The following CD109 variants were observed in gnomAD, a reference collection of about 807,000 sequenced individuals.
CD109 encodes the protein CD109 molecule, also known as CD109 antigen.
In CD109, 149 loss-of-function variants were observed where a neutral mutation model predicts 165.8. The ratio of observed to expected loss-of-function variants is 0.90; its 90% CI spans 0.79 to 1.03. The LOEUF (loss-of-function observed/expected upper bound fraction) is 1.03. CD109 is among the 50% of genes least tolerant of loss of function. The pLI, the probability that CD109 is intolerant of heterozygous loss-of-function variation, is 0.00. For missense variants in CD109, 1,712 were observed against 1,677.8 expected (o/e 1.02, Z -0.36); for synonymous variants, 585 against 592.1 (o/e 0.99, Z 0.18).
intron 23 of CD109, among the ~76,000 whole-genome samples, chr6:73,797,201 CT>C (rs1775195371): frequency 6.6e-6 from 1 of 152,176 alleles, no homozygotes; most frequent in South Asian, 2.1e-4. Context: ...GAAACAACAG[CT>C]ACATCATTGA....
chr6:73,715,395 T>G (rs1202915544), intron 2 of CD109, among the ~76,000 whole-genome samples: 3 of 151,638 alleles, frequency 2.0e-5, no homozygotes, highest in African/African-American at 7.3e-5. Context: ...AGCCCCCATT[T>G]CTACAAAAAA....
intron 2 of CD109, among the ~76,000 whole-genome samples, chr6:73,704,439 G>A (rs911804623): frequency 6.6e-6 from 1 of 152,160 alleles, no homozygotes; most frequent in African/African-American, 2.4e-5. Context: ...ATTTTCAGCC[G>A]CAGAGAAACA....
intron 2 of CD109, among the ~76,000 whole-genome samples, chr6:73,713,819 A>G (rs1441769389): frequency 6.6e-6 from 1 of 152,222 alleles, no homozygotes; most frequent in Non-Finnish European, 1.5e-5. Flanking sequence ...TTGGCCTCCA[A>G]TTAGTCAATC....
chr6:73,683,024 C>T, the CD109 span, among the ~76,000 whole-genome samples: 8 of 152,302 alleles, frequency 5.3e-5, no homozygotes, highest in African/African-American at 1.9e-4. Context: ...GGGGCTGCTG[C>T]AAAGTTCTCT....
chr6:73,694,640 G>A (rs929090175), upstream of CD109: 5 of 152,100 alleles, frequency 3.3e-5, no homozygotes, highest in African/African-American at 1.2e-4. Flanking sequence ...AGTCTCCATG[G>A]CCTACTGTCT....
chr6:73,806,825 T>A lies in CD109; in HGVS notation c.2961-19T>A. Reference sequence around the variant, plus strand: ...CTTATAAAGTGTATTTTATGTAATTTTTTTCTCTTTTCATAAAGGTTGTCA... The same window carrying A: ...CTTATAAAGTGTATTTTATGTAATTATTTTCTCTTTTCATAAAGGTTGTCA... On this transcript the variant is annotated intron_variant, in intron 24 of 32. Transcript: ENST00000287097. The A allele has an allele frequency of 6.3e-7, 1 of 1,582,552 alleles. No individual in the cohort carries two copies.
At chr6:73,700,790 G>GTTTTTTTTTTTT (rs58140668) in intron 2 of CD109, among the ~76,000 whole-genome samples, 4 of 51,478 alleles carry the variant, frequency 7.8e-5, no homozygotes, top group Non-Finnish European at 1.1e-4. Flanking sequence ...ATTGATTGTA[G>GTTTTTTTTTTTT]TTTTTTTTTT....
intron 5 of CD109, among the ~76,000 whole-genome samples, chr6:73,738,773 G>A (rs1258517697): frequency 2.0e-5 from 3 of 152,140 alleles, no homozygotes; most frequent in Non-Finnish European, 4.4e-5. Flanking sequence ...GACATCTTAT[G>A]TCCCTTAAGT....
intron 21 of CD109, 149 bp from the exon 22 acceptor site, chr6:73,788,319 A>G (rs1278013226): frequency 1.8e-6 from 1 of 560,942 alleles, no homozygotes; most frequent in African/African-American, 1.9e-5. Context: ...TCTAATTTAA[A>G]GAAAACAAAA....
At chr6:73,810,647 G>T (rs1241696004) in intron 27 of CD109, among the ~76,000 whole-genome samples, 1 of 150,602 alleles carries the variant, frequency 6.6e-6, no homozygotes, top group African/African-American at 2.4e-5. Flanking sequence ...GGATTAACAA[G>T]TGAATTTAGT....
intron 5 of CD109, among the ~76,000 whole-genome samples, chr6:73,750,297 G>A (rs544309934): frequency 6.6e-6 from 1 of 152,272 alleles, no homozygotes; most frequent in African/African-American, 2.4e-5. Flanking sequence ...AGATGTATTT[G>A]GACTGAGCCA....
intron 23 of CD109, among the ~76,000 whole-genome samples, chr6:73,799,049 C>G (rs4708085): frequency 0.54 from 81,762 of 151,450 alleles, 22,532 homozygotes; most frequent in African/African-American, 0.65. Flanking sequence ...CTCTGGCTAT[C>G]TGGAGAATTT....
intron 2 of CD109, among the ~76,000 whole-genome samples, chr6:73,713,205 T>G (rs1264125977): frequency 3.9e-5 from 6 of 152,120 alleles, no homozygotes; most frequent in Admixed American, 3.9e-4. Context: ...CCAAGCTGTA[T>G]TTGTAAATTT....
chr6:73,760,399 C>G (rs1465156424), intron 7 of CD109, among the ~76,000 whole-genome samples: 1 of 123,772 alleles, frequency 8.1e-6, no homozygotes, highest in African/African-American at 3.3e-5. Context: ...AGAGCGGGAC[C>G]CCGTCTCAAA....
In CD109 at chr6:73,706,009, A is replaced by G. The variant is rs908815331; in HGVS notation, c.247+8437A>G. 5.3e-5 allele frequency among the ~76,000 whole-genome samples: 8 copies of G among 152,280 alleles called. No individual in the cohort carries two copies. The East Asian group carries it at 1.2e-3, about 22-fold the overall frequency. ...GAGGGTGGATAATTCCTGGGTTAGA[A>G]GTGGTGAGATCAGTATTGGGGCAGA... On this transcript the variant is annotated intron_variant, in intron 2 of 32. Coordinates refer to ENST00000287097, the MANE Select transcript of CD109 (RefSeq NM_133493.5).
At chr6:73,691,047 C>G (rs1770682688), upstream of CD109, among the ~76,000 whole-genome samples, 1 of 152,196 alleles carries the variant, frequency 6.6e-6, no homozygotes, top group Non-Finnish European at 1.5e-5. Flanking sequence ...CCGTGTTCCT[C>G]CCCTCTTCCC....
At chr6:73,798,202 C>T (rs1288743150) in intron 23 of CD109, among the ~76,000 whole-genome samples, 3 of 151,772 alleles carry the variant, frequency 2.0e-5, no homozygotes, top group African/African-American at 7.3e-5. Flanking sequence ...GCAACCTCCG[C>T]CTCCCAGGTT....
intron 3 of CD109, among the ~76,000 whole-genome samples, chr6:73,726,152 G>C (rs997978147): frequency 3.9e-5 from 6 of 152,128 alleles, no homozygotes; most frequent in African/African-American, 1.4e-4. Context: ...TCTGACACTT[G>C]TAAGTGTAAT....
intron 23 of CD109, among the ~76,000 whole-genome samples, chr6:73,800,272 A>G (rs921264109): frequency 6.6e-6 from 1 of 152,092 alleles, no homozygotes; most frequent in Non-Finnish European, 1.5e-5. Context: ...GTTGACCGAG[A>G]TATTCCTCAT....
Sources: allele counts gnomAD v4.1 joint callset (sites outside exome capture counted in the v4.1 genomes callset), GRCh38; gene constraint gnomAD v4.1.1; transcripts MANE v1.5; gene names NCBI Gene and HGNC (gene_info 2026-07-23, HGNC 2026-07-21).